The following TNRC6A variants were observed in gnomAD, a reference collection of about 807,000 sequenced individuals.
TNRC6A encodes trinucleotide repeat-containing gene 6A protein.
A neutral mutation model predicts 221.2 loss-of-function variants in TNRC6A; 44 were observed. That is an observed-to-expected ratio of 0.20 (90% CI 0.16 to 0.26). The LOEUF (loss-of-function observed/expected upper bound fraction) is 0.26. Among genes scored for constraint, TNRC6A ranks in the 10% least tolerant of loss-of-function variants. TNRC6A has a pLI of 1.00. For missense variants in TNRC6A, 2,199 were observed against 2,404.4 expected (o/e 0.91, Z 1.79); for synonymous variants, 847 against 838.5 (o/e 1.01, Z -0.18).
chr16:24,618,352 C>G (rs983625031), intron 1 of TNRC6A, among the ~76,000 whole-genome samples: 1 of 152,206 alleles, frequency 6.6e-6, no homozygotes, highest in African/African-American at 2.4e-5. Context: ...ATTTTCTAAA[C>G]AGTACCCTAC....
At chr16:24,739,374 TA>T (rs2056841790) in intron 2 of TNRC6A, among the ~76,000 whole-genome samples, 1 of 152,164 alleles carries the variant, frequency 6.6e-6, no homozygotes, top group Admixed American at 6.5e-5. Flanking sequence ...AATTAGGTGA[TA>T]TTTTTTGTCA....
At chr16:24,793,262 T>TA (rs567613912) in intron 6 of TNRC6A, 40 of 368,978 alleles carry the variant, frequency 1.1e-4, no homozygotes, top group Middle Eastern at 7.1e-4. Flanking sequence ...TGAAAAAAGT[T>TA]AAAAAAATTC....
chr16:24,660,812 G>T (rs2055017385), intron 2 of TNRC6A, among the ~76,000 whole-genome samples: 1 of 143,560 alleles, frequency 7.0e-6, no homozygotes, highest in African/African-American at 2.7e-5. Flanking sequence ...AGCGATCTCG[G>T]CTCACTGCAA....
Position 24,712,907 on chromosome 16 carries a change from CTGTGTGTGTGTGTGTG to C in TNRC6A, n.403-37783_403-37768del, listed in dbSNP as rs61198955. 4.6e-4 allele frequency among the ~76,000 whole-genome samples: 58 copies of C among 126,770 alleles called. No individual in the cohort carries two copies. In the East Asian group the frequency reaches 6.0e-3, roughly 13 times the overall value. 83.2% of individuals were successfully genotyped at this position (126,770 alleles called of 152,430 possible). On this transcript the variant is annotated intron_variant and non_coding_transcript_variant, in intron 2 of 2. Coordinates refer to the TNRC6A transcript ENST00000566108. ...AATTTGGGGCCATAGTTATGTGCCA[CTGTGTGTGTGTGTGTG>C]TGTGTGTGTGTGTGTGTGTGTGTGT... is the stretch of plus-strand genomic sequence containing the variant.
At chr16:24,651,277 G>A (rs1273454348) in intron 2 of TNRC6A, among the ~76,000 whole-genome samples, 4 of 151,518 alleles carry the variant, frequency 2.6e-5, no homozygotes, top group East Asian at 1.9e-4. Context: ...CGTGCCTCAC[G>A]CCTGTAATCC....
chr16:24,723,606 A>AT (rs34340202), intron 2 of TNRC6A, among the ~76,000 whole-genome samples: 5 of 151,282 alleles, frequency 3.3e-5, no homozygotes, highest in Non-Finnish European at 5.9e-5. Context: ...AAAAAAAAAA[A>AT]GTCAGTGGCT....
Position 24,797,514 on chromosome 16 carries a change from CAAG to C in TNRC6A, c.3593_3595del (p.Glu1198del), listed in dbSNP as rs1297651289. On this transcript the variant is annotated inframe_deletion, in exon 10 of 25. Coordinates refer to ENST00000395799, the MANE Select transcript of TNRC6A (RefSeq NM_014494.4). The stretch of plus-strand genomic sequence containing the variant: ...GGGAATGATGAAAGGTGGAAACAAA[CAAG>C]AAGAAGCGTGGATAAATCCATTTGT... 2.5e-6 allele frequency: 4 copies of C among 1,610,774 alleles called. No individual in the cohort carries two copies. Among genetic ancestry groups the C allele is most frequent in the East Asian group, 2.2e-5 (1 of 44,658 alleles).
chr16:24,812,438 C>G (rs748291180), intron 18 of TNRC6A, among the ~76,000 whole-genome samples: 1 of 152,154 alleles, frequency 6.6e-6, no homozygotes, highest in Non-Finnish European at 1.5e-5. Context: ...GGTTCGAGAC[C>G]TAGCTCTGCT....
intron 4 of TNRC6A, among the ~76,000 whole-genome samples, chr16:24,768,730 T>C (rs2057528701): frequency 6.6e-6 from 1 of 152,230 alleles, no homozygotes; most frequent in South Asian, 2.1e-4. Context: ...CTCCAGTCTC[T>C]TAAAGTGACA....
intron 2 of TNRC6A, among the ~76,000 whole-genome samples, chr16:24,704,209 C>T (rs1325233283): frequency 6.6e-6 from 1 of 151,984 alleles, no homozygotes; most frequent in Non-Finnish European, 1.5e-5. Flanking sequence ...ATTCTCCTGA[C>T]TCAGTCTCCA....
At position 24,789,326 on chromosome 16, in the gene TNRC6A, T is replaced by C; in HGVS notation, c.684T>C (p.Ala228=). ...TSDSSTNCKN[A]VVSDLSEKEA... ...ATTCTAGCACAAACTGTAAGAATGCTGTTGTAAGTGACTTGTCGGAAAAAG... is the reference window on the plus strand; with the variant it reads ...ATTCTAGCACAAACTGTAAGAATGCCGTTGTAAGTGACTTGTCGGAAAAAG... Residue 228 remains alanine (A), a synonymous_variant, in exon 6 of 25, where the codon GCT becomes GCC. Transcript: ENST00000395799. 1 of 1,614,220 alleles carries C rather than the reference T, an allele frequency of 6.2e-7. No individual in the cohort carries two copies. The highest frequency in any genetic ancestry group is 8.5e-7 in the Non-Finnish European group (1 of 1,180,036).
chr16:24,734,383 C>T (rs1198020257), intron 2 of TNRC6A, among the ~76,000 whole-genome samples: 1 of 152,026 alleles, frequency 6.6e-6, no homozygotes, highest in Non-Finnish European at 1.5e-5. Flanking sequence ...TGCTAAGTTA[C>T]ATTTTGCAGT....
intron 2 of TNRC6A, among the ~76,000 whole-genome samples, chr16:24,731,102 A>G (rs1365917475): frequency 6.6e-6 from 1 of 151,742 alleles, no homozygotes; most frequent in Non-Finnish European, 1.5e-5. Context: ...TTTCTTTCCT[A>G]CCGTCTTTTC....
At chr16:24,778,218 A>G (rs1289357264) in intron 5 of TNRC6A, 1 of 906,672 alleles carries the variant, frequency 1.1e-6, no homozygotes, top group African/African-American at 1.8e-5. Context: ...AGGTTACTTA[A>G]TTGCTCTATG....
chr16:24,724,892 T>G (rs1442198562), upstream of TNRC6A, among the ~76,000 whole-genome samples: 1 of 152,200 alleles, frequency 6.6e-6, no homozygotes. Flanking sequence ...CAATGCTGTT[T>G]GGTAAAGCCT....
At chr16:24,798,281 A>G (rs1204160182) in intron 11 of TNRC6A, among the ~76,000 whole-genome samples, 1 of 152,208 alleles carries the variant, frequency 6.6e-6, no homozygotes, top group Admixed American at 6.5e-5. Flanking sequence ...TCTTAAAACT[A>G]TACTGGAGGA....
chr16:24,678,764 T>C (rs536668969), intron 2 of TNRC6A, among the ~76,000 whole-genome samples: 2 of 152,298 alleles, frequency 1.3e-5, no homozygotes, highest in African/African-American at 4.8e-5. Flanking sequence ...CAACACCTGA[T>C]TGCAACCTGC....
intron 4 of TNRC6A, among the ~76,000 whole-genome samples, chr16:24,775,132 G>C (rs1415255911): frequency 6.6e-6 from 1 of 152,144 alleles, no homozygotes; most frequent in Non-Finnish European, 1.5e-5. Context: ...TTGATAGCCA[G>C]TGTCTGCTTA....
chr16:24,685,609 G>A (rs2055611205), intron 2 of TNRC6A, among the ~76,000 whole-genome samples: 1 of 152,142 alleles, frequency 6.6e-6, no homozygotes, highest in African/African-American at 2.4e-5. Flanking sequence ...AAAGTGCTGG[G>A]ATTCTGGGTG....
Sources: allele counts gnomAD v4.1 joint callset (sites outside exome capture counted in the v4.1 genomes callset), GRCh38; gene constraint gnomAD v4.1.1; transcripts MANE v1.5; gene names NCBI Gene and HGNC (gene_info 2026-07-23, HGNC 2026-07-21).